LSAMP: variants seen among roughly 807,000 people sequenced by gnomAD.
The protein encoded by LSAMP is limbic system associated membrane protein, also known as limbic system-associated membrane protein.
A neutral mutation model predicts 38.6 loss-of-function variants in LSAMP; 7 were observed. The ratio of observed to expected loss-of-function variants is 0.18; its 90% CI spans 0.10 to 0.34. The LOEUF (loss-of-function observed/expected upper bound fraction) is 0.34, where lower values mean the gene tolerates loss of function less well. LSAMP is among the 10% of genes least tolerant of loss of function. The pLI is 1.00. For missense variants in LSAMP, 313 were observed against 420.0 expected (o/e 0.75, Z 2.23); for synonymous variants, 154 against 166.8 (o/e 0.92, Z 0.59).
chr3:116,040,976 T>A (rs1941158820), intron 2 of LSAMP, among the ~76,000 whole-genome samples: 1 of 152,198 alleles, frequency 6.6e-6, no homozygotes, highest in African/African-American at 2.4e-5. Flanking sequence ...TAGGCTAGAG[T>A]GCTGTGGTGT....
intron 4 of LSAMP, among the ~76,000 whole-genome samples, chr3:115,850,979 C>CTCTT (rs34153395): frequency 6.7e-6 from 1 of 149,820 alleles, no homozygotes; most frequent in African/African-American, 2.5e-5. Flanking sequence ...CTCTCTCTCT[C>CTCTT]TTTTTTATTT....
rs1238814297 is a variant in LSAMP at position 116,113,428 on chromosome 3, T to A, written c.156-26872A>T. The stretch of plus-strand genomic sequence containing the variant: ...TATATATATATATATATATTTTTTT[T>A]TTTTTTTTTTTTTTTGAGATGGAGT... On this transcript the variant is annotated intron_variant, in intron 1 of 6. Transcript: ENST00000490035. 1.3e-3 allele frequency among the ~76,000 whole-genome samples: 151 copies of A among 117,330 alleles called. 1 individual carries two copies. Among genetic ancestry groups the A allele is most frequent in the African/African-American group, 5.2e-3 (143 of 27,346 alleles). The allele number at this position is 117,330 out of a possible 152,430, so 77.0% of individuals were successfully genotyped here. A position where few individuals can be genotyped will look rare whatever the true frequency, so the allele number is the denominator to read the frequency against.
At chr3:116,204,576 G>A (rs1172984344) in intron 1 of LSAMP, among the ~76,000 whole-genome samples, 1 of 151,648 alleles carries the variant, frequency 6.6e-6, no homozygotes, top group Non-Finnish European at 1.5e-5. Flanking sequence ...ATTGATTTTT[G>A]TATAAGGTGT....
intron 3 of LSAMP, among the ~76,000 whole-genome samples, chr3:115,934,343 A>G (rs527458145): frequency 1.3e-5 from 2 of 151,880 alleles, no homozygotes; most frequent in South Asian, 4.2e-4. Flanking sequence ...ATGCCCGGCT[A>G]ATTTTTGTAT....
At chr3:115,992,618 A>T (rs977008409) in intron 3 of LSAMP, among the ~76,000 whole-genome samples, 2 of 152,102 alleles carry the variant, frequency 1.3e-5, no homozygotes, top group Non-Finnish European at 2.9e-5. Context: ...CTTTTTAAAT[A>T]AAAAGCTTTT....
At chr3:116,029,500 G>A (rs1940869949) in intron 2 of LSAMP, among the ~76,000 whole-genome samples, 1 of 152,084 alleles carries the variant, frequency 6.6e-6, no homozygotes, top group Non-Finnish European at 1.5e-5. Flanking sequence ...CATGCATTAA[G>A]TGATGATCCA....
chr3:116,251,045 C>G (rs2046675116), intron 1 of LSAMP, among the ~76,000 whole-genome samples: 1 of 152,196 alleles, frequency 6.6e-6, no homozygotes, highest in African/African-American at 2.4e-5. Context: ...TGTCCATGTG[C>G]CCACCTTGTT....
intron 1 of LSAMP, among the ~76,000 whole-genome samples, chr3:116,111,864 G>A (rs1405439237): frequency 4.6e-5 from 7 of 152,224 alleles, no homozygotes; most frequent in Admixed American, 4.6e-4. Flanking sequence ...CCCTGTAATA[G>A]ATGTTGGAAC....
intron 3 of LSAMP, among the ~76,000 whole-genome samples, chr3:115,968,949 C>A (rs1938918590): frequency 6.6e-6 from 1 of 152,194 alleles, no homozygotes; most frequent in African/African-American, 2.4e-5. Flanking sequence ...TGGGGTCTAC[C>A]CAGTCTTGCT....
At chr3:116,346,823 T>C (rs1263106665) in intron 1 of LSAMP, among the ~76,000 whole-genome samples, 1 of 152,206 alleles carries the variant, frequency 6.6e-6, no homozygotes, top group Admixed American at 6.5e-5. Context: ...TCTACACATA[T>C]CCTAGAGCAG....
At chr3:115,984,487 G>T (rs1939455667) in intron 3 of LSAMP, among the ~76,000 whole-genome samples, 1 of 152,146 alleles carries the variant, frequency 6.6e-6, no homozygotes, top group Non-Finnish European at 1.5e-5. Context: ...GGTACAAAGT[G>T]TGAGGGATTT....
intron 1 of LSAMP, among the ~76,000 whole-genome samples, chr3:116,420,042 G>A (rs1293746857): frequency 6.6e-6 from 1 of 151,816 alleles, no homozygotes; most frequent in Middle Eastern, 3.2e-3. Flanking sequence ...AGCAGAAAAA[G>A]GGTTTATAGC....
At chr3:116,273,707 T>TATATATATACAC (rs1307543165) in intron 1 of LSAMP, among the ~76,000 whole-genome samples, 41 of 102,356 alleles carry the variant, frequency 4.0e-4, no homozygotes, top group East Asian at 8.5e-4. Context: ...TATATATATA[T>TATATATATACAC]ACACACACAC....
chr3:116,247,871 A>G (rs1396500181), intron 1 of LSAMP, among the ~76,000 whole-genome samples: 1 of 152,246 alleles, frequency 6.6e-6, no homozygotes, highest in Non-Finnish European at 1.5e-5. Context: ...ACAGTTTAAC[A>G]TCACTTACTT....
chr3:116,133,956 A>ATG (rs1709190565), intron 1 of LSAMP, among the ~76,000 whole-genome samples: 1 of 152,196 alleles, frequency 6.6e-6, no homozygotes, highest in Admixed American at 6.5e-5. Context: ...CATTAGTGAC[A>ATG]CAGATGGAAC....
intron 1 of LSAMP, among the ~76,000 whole-genome samples, chr3:116,367,156 G>C (rs1229864936): frequency 2.6e-5 from 4 of 152,174 alleles, no homozygotes; most frequent in African/African-American, 9.7e-5. Flanking sequence ...CATAGGAATA[G>C]AGAGAGACCA....
chr3:116,162,664 G>C (rs1351379872), intron 1 of LSAMP, among the ~76,000 whole-genome samples: 1 of 147,238 alleles, frequency 6.8e-6, no homozygotes, highest in Non-Finnish European at 1.5e-5. Context: ...ATATATAGTG[G>C]CTCTTCACTG....
At chr3:115,851,259 C>T (rs1935322632) in intron 4 of LSAMP, among the ~76,000 whole-genome samples, 1 of 152,138 alleles carries the variant, frequency 6.6e-6, no homozygotes. Flanking sequence ...CAGGGGTGAG[C>T]CACCATACCT....
intron 1 of LSAMP, among the ~76,000 whole-genome samples, chr3:116,427,813 A>ACT (rs1247843609): frequency 5.9e-5 from 9 of 151,812 alleles, no homozygotes; most frequent in Admixed American, 1.3e-4. Flanking sequence ...CATGTTACAC[A>ACT]CTCTCTCTCT....
Sources: allele counts gnomAD v4.1 joint callset (sites outside exome capture counted in the v4.1 genomes callset), GRCh38; gene constraint gnomAD v4.1.1; transcripts MANE v1.5; gene names NCBI Gene and HGNC (gene_info 2026-07-23, HGNC 2026-07-21).